IL1B: variants seen among roughly 807,000 people sequenced by gnomAD.
The protein encoded by IL1B is interleukin-1 beta.
A neutral mutation model predicts 26.2 loss-of-function variants in IL1B; 11 were observed. The observed-to-expected ratio is 0.42, with a 90% CI of 0.26 to 0.70. The LOEUF is 0.70. Ranked by LOEUF, IL1B falls within the 30% of genes least tolerant of loss-of-function variation. The pLI, the probability that IL1B is intolerant of heterozygous loss-of-function variation, is 0.25. For synonymous variants in IL1B, 118 were observed against 120.8 expected (o/e 0.98, Z 0.15); for missense variants, 255 against 327.5 (o/e 0.78, Z 1.71).
At chr2:112,833,232 T>A (rs1414774461) in intron 4 of IL1B, 142 bp downstream of exon 4, 1 of 775,788 alleles carries the variant, frequency 1.3e-6, no homozygotes, top group Non-Finnish European at 2.3e-6. Flanking sequence ...ATTGCTTTGG[T>A]TTCCAGCCTT....
rs758962139 is a variant in IL1B at position 112,833,538 on chromosome 2, C to T, written c.137G>A (p.Gly46Asp). Reference protein sequence around the residue: ...FQDLDLCPLDGGIQLRISDHH... With the variant: ...FQDLDLCPLDDGIQLRISDHH... The stretch of plus-strand genomic sequence containing the variant: ...GTCGGAGATTCGTAGCTGGATGCCG[C>T]CATCCAGAGGGCAGAGGTCCAGGTC... The change falls in exon 4 of 7, where the codon GGC becomes GAC. Residue 46 changes from glycine (G) to aspartate (D), a missense_variant. Physicochemically the swap from Gly to Asp is moderately conservative, Grantham distance 94. Transcript: ENST00000263341. The T allele has an allele frequency of 5.0e-6, 8 of 1,614,050 alleles. No homozygotes were observed. In the South Asian group the frequency reaches 8.8e-5, roughly 18 times the overall value.
chr2:112,830,296 C>T lies in IL1B; in HGVS notation c.*65G>A. The T allele has an allele frequency of 7.2e-7, 1 of 1,389,250 alleles. No homozygotes were observed. Among genetic ancestry groups the T allele is most frequent in the Non-Finnish European group, 1.0e-6 (1 of 975,940 alleles). The allele number at this position is 1,389,250 out of a possible 1,614,324, so 86.1% of individuals were successfully genotyped here. ...AGCCGTACTCAAAAACCTTTCTGTT[C>T]CCTTTCTGCCAGCCCTAGGGATTGA... On this transcript the variant is annotated 3_prime_UTR_variant, in exon 7 of 7. Transcript: ENST00000263341.
At position 112,830,152 on chromosome 2, in the gene IL1B, G is replaced by A; in HGVS notation, c.*209C>T. On this transcript the variant is annotated 3_prime_UTR_variant, in exon 7 of 7. Coordinates refer to ENST00000263341, the MANE Select transcript of IL1B (RefSeq NM_000576.3). Reference sequence around the variant, plus strand: ...GAGGCCTGGCTCAACAAAAGGGCTGGGGATTGGCCCTGAAAGGAGAGAGCT... The same window carrying A: ...GAGGCCTGGCTCAACAAAAGGGCTGAGGATTGGCCCTGAAAGGAGAGAGCT... 3.5e-6 allele frequency: 2 copies of A among 574,962 alleles called. No individual in the cohort carries two copies. The highest frequency in any genetic ancestry group is 6.2e-6 in the Non-Finnish European group (2 of 321,314). 35.6% of individuals were successfully genotyped at this position (574,962 alleles called of 1,614,324 possible).
intron 1 of IL1B, 185 bp downstream of exon 1, chr2:112,836,523 G>A (rs1200133999): frequency 1.0e-5 from 4 of 383,984 alleles, no homozygotes; most frequent in South Asian, 2.3e-5. Flanking sequence ...AATATTTCCC[G>A]AGTCATAAGC....
intron 5 of IL1B, among the ~76,000 whole-genome samples, chr2:112,832,444 C>T (rs563942308): frequency 2.7e-4 from 41 of 152,168 alleles, no homozygotes; most frequent in Non-Finnish European, 5.0e-4. Flanking sequence ...GTGCTTGAGC[C>T]GTCTAATTTC....
chr2:112,832,888 G>A, intron 4 of IL1B, 62 bp from the exon 5 acceptor site: 1 of 1,580,310 alleles, frequency 6.3e-7, no homozygotes, highest in Non-Finnish European at 8.7e-7. Context: ...CGTGAGGCGA[G>A]GCGGCAAAAT....
rs760543225 is a variant in IL1B at position 112,831,299 on chromosome 2, T to C, written c.590A>G (p.Gln197Arg). Residue 197 changes from glutamine (Q) to arginine (R), a missense_variant, in exon 6 of 7, where the codon CAG becomes CGG. Coordinates refer to ENST00000263341, the MANE Select transcript of IL1B (RefSeq NM_000576.3). ...TCCATAGCATTCACTTACCTCCAGC[T>C]GTAGAGTGGGCTTATCATCTTTCAA... ...CVLKDDKPTL[Q>R]LESVDPKNYP... 1 of 1,614,030 alleles carries C rather than the reference T, an allele frequency of 6.2e-7. No homozygotes were observed. The highest frequency in any genetic ancestry group is 8.5e-7 in the Non-Finnish European group (1 of 1,179,902).
intron 3 of IL1B, among the ~76,000 whole-genome samples, chr2:112,834,507 G>C (rs545364657): frequency 1.3e-5 from 2 of 152,202 alleles, no homozygotes; most frequent in African/African-American, 4.8e-5. Context: ...TGGTTCAAAG[G>C]CTTGAAAGAC....
intron 6 of IL1B, among the ~76,000 whole-genome samples, chr2:112,830,927 T>C (rs1410352955): frequency 6.6e-6 from 1 of 152,178 alleles, no homozygotes; most frequent in East Asian, 1.9e-4. Flanking sequence ...AAGCTTTTGC[T>C]GAGAAAGCTG....
Position 112,832,705 on chromosome 2 carries a change from T to G in IL1B, c.423A>C (p.Glu141Asp), listed in dbSNP as rs144640380. ...GTCCCTGGAGGTGGAGAGCTTTCAG[T>G]TCATATGGACCAGACATCACCAAGC... ...QKSLVMSGPY[E>D]LKALHLQGQD... The change falls in exon 5 of 7, where the codon GAA (glutamate) becomes GAC (aspartate). Residue 141 changes from glutamate to aspartate, a missense_variant. Physicochemically the swap from Glu to Asp is conservative, Grantham distance 45 (BLOSUM62 2). Coordinates refer to ENST00000263341, the MANE Select transcript of IL1B (RefSeq NM_000576.3). The G allele has an allele frequency of 1.8e-5, 29 of 1,614,056 alleles. No homozygotes were observed. In the African/African-American group the frequency reaches 2.3e-4, roughly 13 times the overall value.
intron 6 of IL1B, 181 bp downstream of exon 6, chr2:112,831,111 C>T (rs1273283598): frequency 1.5e-6 from 1 of 659,274 alleles, no homozygotes; most frequent in African/African-American, 1.8e-5. Context: ...TAATTTTCTG[C>T]AGCAGGATTG....
intron 2 of IL1B, 105 bp downstream of exon 2, chr2:112,836,078 G>T: frequency 9.4e-7 from 1 of 1,063,640 alleles, no homozygotes; most frequent in East Asian, 2.4e-5. Context: ...GTTTGCCACT[G>T]AAAGAGGCAA....
At chr2:112,831,167 T>C (rs1395415467) in intron 6 of IL1B, 125 bp downstream of exon 6, 5 of 1,072,330 alleles carry the variant, frequency 4.7e-6, no homozygotes, top group East Asian at 2.4e-5. Context: ...TTTACATTAA[T>C]GCAAAATTGT....
Position 112,832,709 on chromosome 2 carries a change from T to C in IL1B, c.419A>G (p.Tyr140Cys). The change falls in exon 5 of 7, where the codon TAT becomes TGT. Residue 140 changes from tyrosine (Y) to cysteine (C), a missense_variant. By Grantham distance (194) the Tyr-to-Cys change is radical. Coordinates refer to ENST00000263341, the MANE Select transcript of IL1B (RefSeq NM_000576.3). ...CTGGAGGTGGAGAGCTTTCAGTTCA[T>C]ATGGACCAGACATCACCAAGCTTTT... ...QQKSLVMSGP[Y>C]ELKALHLQGQ... The C allele has an allele frequency of 6.2e-7, 1 of 1,614,180 alleles. No homozygotes were observed.
In IL1B at chr2:112,829,999, C is replaced by CAAAT. The variant is rs1034048384; in HGVS notation, c.*358_*361dup. 1.7e-4 allele frequency: 39 copies of CAAAT among 226,338 alleles called. No homozygotes were observed. The highest frequency in any genetic ancestry group is 7.5e-4 in the African/African-American group (33 of 44,092). 14.0% of individuals were successfully genotyped at this position (226,338 alleles called of 1,614,324 possible). A position where few individuals can be genotyped will look rare whatever the true frequency, so the allele number is the denominator to read the frequency against. On this transcript the variant is annotated 3_prime_UTR_variant, in exon 7 of 7. Transcript: ENST00000263341. ...TAGACCAATGAATAAAACAAACAAA[C>CAAAT]AAATAAATAAATAAATAGGGAAGCG...
In IL1B at chr2:112,835,567, T is replaced by G. The variant is rs766796135; in HGVS notation, c.98A>C (p.Lys33Thr). 15 of 1,612,668 alleles carry G rather than the reference T, an allele frequency of 9.3e-6. No individual in the cohort carries two copies. The highest frequency in any genetic ancestry group is 1.3e-5 in the African/African-American group (1 of 74,904). Reference sequence around the variant, plus strand: ...TGGGAGTTAAACCCATAGTCTTACCTTCATCTGTTTAGGGCCATCAGCTTC... The same window carrying G: ...TGGGAGTTAAACCCATAGTCTTACCGTCATCTGTTTAGGGCCATCAGCTTC... Reference protein sequence around the residue: ...FFEADGPKQMKCSFQDLDLCP... With the variant: ...FFEADGPKQMTCSFQDLDLCP... Residue 33 changes from lysine (K) to threonine (T), a missense_variant and splice_region_variant, in exon 3 of 7, where the codon AAG becomes ACG. Transcript: ENST00000263341.
intron 1 of IL1B, 118 bp downstream of exon 1, chr2:112,836,590 G>A: frequency 3.3e-6 from 1 of 301,322 alleles, no homozygotes; most frequent in South Asian, 3.0e-5. Flanking sequence ...AGAGAGGGAA[G>A]GAGAGGGAGA....
In IL1B at chr2:112,836,256, G is replaced by A; in HGVS notation, c.-15-12C>T. ...GCTGCTTCAGACACCTGTGTAAAAA[G>A]GAGAAAATGAGTGACTTCCCCATGA... On this transcript the variant is annotated splice_polypyrimidine_tract_variant and intron_variant, in intron 1 of 6. Coordinates refer to ENST00000263341, the MANE Select transcript of IL1B (RefSeq NM_000576.3). 1 of 1,609,504 alleles carries A rather than the reference G, an allele frequency of 6.2e-7. No homozygotes were observed. Among genetic ancestry groups the A allele is most frequent in the Non-Finnish European group, 8.5e-7 (1 of 1,175,928 alleles).
chr2:112,835,379 G>A, intron 3 of IL1B, 187 bp downstream of exon 3: 1 of 654,460 alleles, frequency 1.5e-6, no homozygotes, highest in Non-Finnish European at 2.8e-6. Flanking sequence ...ACGTTAGTGA[G>A]TGACTGTGGT....
Sources: gnomAD v4.1 joint callset for allele counts (sites outside exome capture counted in the v4.1 genomes callset) on GRCh38, gnomAD v4.1.1 for gene constraint, MANE v1.5 for transcripts, NCBI Gene and HGNC (gene_info 2026-07-23, HGNC 2026-07-21) for gene names.